The following MAPKAPK3 variants were observed in gnomAD, a reference collection of about 807,000 sequenced individuals.
The protein encoded by MAPKAPK3 is MAPK activated protein kinase 3, also known as MAP kinase-activated protein kinase 3.
In MAPKAPK3, 35 loss-of-function variants were observed where a neutral mutation model predicts 49.2. The ratio of observed to expected loss-of-function variants is 0.71; its 90% CI spans 0.54 to 0.94. The LOEUF (loss-of-function observed/expected upper bound fraction) is 0.94, where lower values mean the gene tolerates loss of function less well. MAPKAPK3 is among the 40% of genes least tolerant of loss of function. The pLI is 0.00. For synonymous variants in MAPKAPK3, 178 were observed against 188.7 expected (o/e 0.94, Z 0.46); for missense variants, 398 against 493.1 (o/e 0.81, Z 1.83).
chr3:50,628,823 G>A (rs2032828692), intron 2 of MAPKAPK3, among the ~76,000 whole-genome samples: 1 of 152,210 alleles, frequency 6.6e-6, no homozygotes, highest in Non-Finnish European at 1.5e-5. Context: ...AGGAGAGTGG[G>A]TGCCCAGTTC....
intron 2 of MAPKAPK3, among the ~76,000 whole-genome samples, chr3:50,636,805 G>A (rs916008572): frequency 4.6e-5 from 7 of 152,146 alleles, no homozygotes; most frequent in Admixed American, 2.0e-4. Context: ...TGGGCTCAGG[G>A]TCAACTCAAG....
chr3:50,619,751 A>C (rs1358958732), intron 2 of MAPKAPK3, among the ~76,000 whole-genome samples: 1 of 152,206 alleles, frequency 6.6e-6, no homozygotes, highest in Non-Finnish European at 1.5e-5. Flanking sequence ...AGGCCCACAC[A>C]GTGCCAGCTT....
At chr3:50,641,443 C>G (rs564348159) in intron 3 of MAPKAPK3, among the ~76,000 whole-genome samples, 1 of 152,282 alleles carries the variant, frequency 6.6e-6, no homozygotes, top group African/African-American at 2.4e-5. Flanking sequence ...AGGTAGGGGC[C>G]GTGCCACTGG....
chr3:50,617,330 C>G (rs1363698858), intron 1 of MAPKAPK3, 89 bp downstream of exon 1: 2 of 422,804 alleles, frequency 4.7e-6, no homozygotes, highest in Non-Finnish European at 8.5e-6. Flanking sequence ...GACACGTGCC[C>G]GGGCGGTGCT....
chr3:50,624,249 A>T (rs1273893224), intron 2 of MAPKAPK3, among the ~76,000 whole-genome samples: 1 of 151,880 alleles, frequency 6.6e-6, no homozygotes, highest in African/African-American at 2.4e-5. Flanking sequence ...CACAGGGTGT[A>T]TGTGTGTGCC....
chr3:50,637,630 TCA>T (rs2033072393), intron 2 of MAPKAPK3, among the ~76,000 whole-genome samples: 1 of 121,206 alleles, frequency 8.3e-6, no homozygotes. Flanking sequence ...AGACTCTGTC[TCA>T]AAAAAAAAAA....
intron 5 of MAPKAPK3, 114 bp downstream of exon 5, chr3:50,642,446 C>G (rs1332041746): frequency 6.6e-6 from 5 of 753,320 alleles, no homozygotes; most frequent in African/African-American, 3.4e-5. Flanking sequence ...TAGTCACATT[C>G]AAAGCCTCTG....
intron 2 of MAPKAPK3, among the ~76,000 whole-genome samples, chr3:50,624,245 G>T (rs2032679013): frequency 6.6e-6 from 1 of 152,132 alleles, no homozygotes; most frequent in Non-Finnish European, 1.5e-5. Context: ...AAGGCACAGG[G>T]TGTATGTGTG....
At chr3:50,640,224 C>A (rs756509834) in intron 2 of MAPKAPK3, 142 bp from the exon 3 acceptor site, 101 of 829,132 alleles carry the variant, frequency 1.2e-4, no homozygotes, top group Non-Finnish European at 1.6e-4. Flanking sequence ...GTCAGAGAAA[C>A]CTAGATTCAA....
rs115269729 is a variant in MAPKAPK3, at chr3:50,628,812, G to A, written c.219+11028G>A. Among the ~76,000 whole-genome samples the A allele has an allele frequency of 9.8e-3, 1,494 of 152,348 alleles. 14 individuals carry two copies. Among genetic ancestry groups the A allele is most frequent in the Non-Finnish European group, 0.017 (1,147 of 68,030 alleles). On this transcript the variant is annotated intron_variant, in intron 2 of 10. Transcript: ENST00000621469. ...CAGCTATAACACAGGAGCCATGTGG[G>A]AGGAGAGTGGGTGCCCAGTTCACAG...
At chr3:50,632,997 C>G (rs139176604) in intron 2 of MAPKAPK3, among the ~76,000 whole-genome samples, 35 of 152,308 alleles carry the variant, frequency 2.3e-4, no homozygotes, top group Middle Eastern at 3.4e-3. Context: ...CCAAGAGTCA[C>G]TGCAGACATC....
chr3:50,617,966 G>A (rs958088036), intron 2 of MAPKAPK3, among the ~76,000 whole-genome samples, 182 bp downstream of exon 2: 4 of 152,222 alleles, frequency 2.6e-5, no homozygotes, highest in African/African-American at 7.2e-5. Context: ...AAACTGAGGC[G>A]TAGCCTAGCT....
upstream of MAPKAPK3, chr3:50,611,744 T>TC: frequency 7.2e-7 from 1 of 1,387,742 alleles, no homozygotes; most frequent in Non-Finnish European, 9.3e-7. Flanking sequence ...CTGGGTAGGC[T>TC]CCCGGGGCGC....
rs200690523 is a variant in MAPKAPK3, at chr3:50,644,553, T to C, written c.628+21T>C. 2,960 of 1,613,218 alleles carry C rather than the reference T, an allele frequency of 1.8e-3. 6 individuals carry two copies. The highest frequency in any genetic ancestry group is 2.4e-3 in the Non-Finnish European group (2,855 of 1,179,638). On this transcript the variant is annotated intron_variant, in intron 6 of 10. Coordinates refer to ENST00000621469, the MANE Select transcript of MAPKAPK3 (RefSeq NM_001243925.2). Reference sequence around the variant, plus strand: ...TGTGGGTGAGTCCTTCGGACATGAGTTGTAACTCCTCACCCCAACTTATAC... The same window carrying C: ...TGTGGGTGAGTCCTTCGGACATGAGCTGTAACTCCTCACCCCAACTTATAC...
At chr3:50,618,695 G>T (rs1266041636) in intron 2 of MAPKAPK3, among the ~76,000 whole-genome samples, 5 of 152,098 alleles carry the variant, frequency 3.3e-5, no homozygotes, top group East Asian at 3.9e-4. Flanking sequence ...TTTTACAAAA[G>T]ATTTTTTTTT....
chr3:50,636,228 A>G (rs1326925794), intron 2 of MAPKAPK3, among the ~76,000 whole-genome samples: 1 of 152,224 alleles, frequency 6.6e-6, no homozygotes, highest in Non-Finnish European at 1.5e-5. Context: ...CCACAGTCTG[A>G]TGAGGGAGGC....
At position 50,648,973 on chromosome 3, in the gene MAPKAPK3, C is replaced by T. The variant is rs757953611; in HGVS notation, c.*927C>T. 1 of 152,230 alleles carries T rather than the reference C, an allele frequency of 6.6e-6. No homozygotes were observed. The highest frequency in any genetic ancestry group is 2.4e-5 in the African/African-American group (1 of 41,454). 9.4% of individuals were successfully genotyped at this position (152,230 alleles called of 1,614,324 possible). A position where few individuals can be genotyped will look rare whatever the true frequency, so the allele number is the denominator to read the frequency against. ...GCAGAGCTAAGTGGCTTCCCATTAA[C>T]CTGAGGTCTCTTTCTTTACTCTGGG... On this transcript the variant is annotated 3_prime_UTR_variant, in exon 11 of 11. Coordinates refer to ENST00000621469, the MANE Select transcript of MAPKAPK3 (RefSeq NM_001243925.2).
Position 50,641,694 on chromosome 3 carries a change from A to T in MAPKAPK3, c.360-13A>T. On this transcript the variant is annotated splice_polypyrimidine_tract_variant and intron_variant, in intron 3 of 10. Coordinates refer to ENST00000621469, the MANE Select transcript of MAPKAPK3 (RefSeq NM_001243925.2). ...AGTTTCCCCCTCTCTGCTTATAGTC[A>T]CCTCTTTTACAGCATGGAAGGTGGT... 6.2e-7 allele frequency: 1 copy of T among 1,612,528 alleles called. No homozygotes were observed. The highest frequency in any genetic ancestry group is 8.5e-7 in the Non-Finnish European group (1 of 1,178,748).
At chr3:50,631,621 CTT>C (rs1377183941) in intron 2 of MAPKAPK3, among the ~76,000 whole-genome samples, 1 of 152,194 alleles carries the variant, frequency 6.6e-6, no homozygotes, top group East Asian at 1.9e-4. Flanking sequence ...AGTGGTGTCT[CTT>C]ATATCATTTG....
Sources: gnomAD v4.1 joint callset for allele counts (sites outside exome capture counted in the v4.1 genomes callset) on GRCh38, gnomAD v4.1.1 for gene constraint, MANE v1.5 for transcripts, NCBI Gene and HGNC (gene_info 2026-07-23, HGNC 2026-07-21) for gene names.